The following RIMBP2 variants were observed in gnomAD, a reference collection of about 807,000 sequenced individuals.
The protein encoded by RIMBP2 is RIMS-binding protein 2.
A neutral mutation model predicts 118.6 loss-of-function variants in RIMBP2; 48 were observed. The ratio of observed to expected loss-of-function variants is 0.40; its 90% CI spans 0.32 to 0.51. The LOEUF is 0.51. RIMBP2 is among the 20% of genes least tolerant of loss of function. The pLI is 0.41. For synonymous variants in RIMBP2, 762 were observed against 742.9 expected, an observed-to-expected ratio of 1.03 and a Z score of -0.42; for missense variants, 1,551 against 1,768.3, an observed-to-expected ratio of 0.88 and a Z score of 2.20.
chr12:130,698,146 A>T (rs2065663692), intron 1 of RIMBP2, among the ~76,000 whole-genome samples: 1 of 152,176 alleles, frequency 6.6e-6, no homozygotes, highest in East Asian at 1.9e-4. Context: ...GGGAACCAGG[A>T]GGCAGCAGAG....
rs1276732505 is a variant in RIMBP2, at chr12:130,511,911, G to C, written c.-126-5141C>G. 6.6e-6 allele frequency among the ~76,000 whole-genome samples: 1 copy of C among 152,124 alleles called. No individual in the cohort carries two copies. The highest frequency in any genetic ancestry group is 6.5e-5 in the Admixed American group (1 of 15,280). On this transcript the variant is annotated intron_variant, in intron 3 of 22. Coordinates refer to ENST00000690449, the MANE Select transcript of RIMBP2 (RefSeq NM_001393629.1). The surrounding 1 kb of genome is among the most constrained non-coding windows in gnomAD (Gnocchi z 4.3). Reference sequence around the variant, plus strand: ...TTCTCCAGGCAGCTGCCTCTGGCCAGGGTCACCACCTCTGGGCTTCCTGAG... The same window carrying C: ...TTCTCCAGGCAGCTGCCTCTGGCCACGGTCACCACCTCTGGGCTTCCTGAG...
At chr12:130,547,517 T>G (rs1480420473) in intron 2 of RIMBP2, among the ~76,000 whole-genome samples, 1 of 152,244 alleles carries the variant, frequency 6.6e-6, no homozygotes, top group Non-Finnish European at 1.5e-5. Context: ...CTACAGAAAT[T>G]GTCTCCCAGC....
chr12:130,639,547 C>CA (rs1265880685), intron 1 of RIMBP2, among the ~76,000 whole-genome samples: 1 of 136,486 alleles, frequency 7.3e-6, no homozygotes, highest in Non-Finnish European at 1.6e-5. Context: ...CAAAACTGAC[C>CA]AAAAAAGTAC....
At chr12:130,489,070 A>G (rs1290137404) in intron 4 of RIMBP2, among the ~76,000 whole-genome samples, 2 of 152,194 alleles carry the variant, frequency 1.3e-5, no homozygotes, top group Non-Finnish European at 2.9e-5. Context: ...GGGATTTCTG[A>G]ACGACCCTGG....
intron 9 of RIMBP2, among the ~76,000 whole-genome samples, chr12:130,449,323 G>C (rs1427527632): frequency 6.6e-6 from 1 of 152,246 alleles, no homozygotes; most frequent in Non-Finnish European, 1.5e-5. Flanking sequence ...GCAGTCCTGG[G>C]GGACCTCTCA....
chr12:130,640,882 A>T (rs35104411), intron 1 of RIMBP2, among the ~76,000 whole-genome samples: 8,591 of 152,292 alleles, frequency 0.056, 311 homozygotes, highest in Non-Finnish European at 0.078. Flanking sequence ...CTCTTTTCAG[A>T]TGTGAAAGAA....
At chr12:130,590,859 G>A (rs2140312315) in intron 2 of RIMBP2, among the ~76,000 whole-genome samples, 1 of 152,298 alleles carries the variant, frequency 6.6e-6, no homozygotes, top group East Asian at 1.9e-4. Flanking sequence ...GTGTCACCCG[G>A]ATGGCTGGCT....
chr12:130,546,335 G>A (rs949655103), intron 2 of RIMBP2, among the ~76,000 whole-genome samples: 9 of 152,010 alleles, frequency 5.9e-5, no homozygotes, highest in South Asian at 2.1e-4. Context: ...TCGCTCTGTC[G>A]CCCAGGCTGG....
At chr12:130,423,908 AT>A (rs1239020801) in intron 16 of RIMBP2, among the ~76,000 whole-genome samples, 1 of 152,180 alleles carries the variant, frequency 6.6e-6, no homozygotes, top group African/African-American at 2.4e-5. Context: ...AGCCATACTC[AT>A]TACTGATTCT....
intron 2 of RIMBP2, among the ~76,000 whole-genome samples, chr12:130,583,711 G>A (rs1158712885): frequency 2.2e-4 from 22 of 99,398 alleles, no homozygotes; most frequent in East Asian, 3.4e-4. Flanking sequence ...CACCACCACC[G>A]CCATCACCTC....
chr12:130,541,002 G>A (rs1383486849), intron 2 of RIMBP2, among the ~76,000 whole-genome samples: 2 of 152,134 alleles, frequency 1.3e-5, no homozygotes, highest in African/African-American at 4.8e-5. Flanking sequence ...GGCTTGGAGG[G>A]CTACCAAGAG....
chr12:130,609,243 C>T (rs1417146417), intron 2 of RIMBP2, among the ~76,000 whole-genome samples: 1 of 152,058 alleles, frequency 6.6e-6, no homozygotes, highest in East Asian at 1.9e-4. Context: ...GCTGTCTGCC[C>T]CCCCACGTTT....
chr12:130,643,807 G>A (rs1181796004), intron 1 of RIMBP2, among the ~76,000 whole-genome samples: 2 of 152,194 alleles, frequency 1.3e-5, no homozygotes, highest in Admixed American at 1.3e-4. Flanking sequence ...AAACACGCAA[G>A]CAGACAACAG....
chr12:130,605,001 A>C (rs1365643056), intron 2 of RIMBP2, among the ~76,000 whole-genome samples: 1 of 152,040 alleles, frequency 6.6e-6, no homozygotes, highest in East Asian at 1.9e-4. Context: ...GTACAGTCAC[A>C]TCCTGCACAG....
chr12:130,691,171 C>T (rs1434725312), intron 1 of RIMBP2, among the ~76,000 whole-genome samples: 1 of 152,140 alleles, frequency 6.6e-6, no homozygotes, highest in Non-Finnish European at 1.5e-5. Flanking sequence ...CTCTCCAGTG[C>T]CCTTGTTTTC....
At chr12:130,436,356 C>T (rs563248436) in intron 13 of RIMBP2, among the ~76,000 whole-genome samples, 1 of 152,264 alleles carries the variant, frequency 6.6e-6, no homozygotes, top group South Asian at 2.1e-4. Context: ...TATGTATATA[C>T]ATGAGGGTGC....
intron 4 of RIMBP2, among the ~76,000 whole-genome samples, chr12:130,506,226 T>A (rs1233407599): frequency 6.6e-6 from 1 of 152,100 alleles, no homozygotes; most frequent in African/African-American, 2.4e-5. Flanking sequence ...TACCCCCTGA[T>A]AGAGCAAGGT....
chr12:130,618,189 A>G (rs1187315640), intron 2 of RIMBP2, among the ~76,000 whole-genome samples: 1 of 152,040 alleles, frequency 6.6e-6, no homozygotes, highest in Non-Finnish European at 1.5e-5. Context: ...CCTAATATTA[A>G]TGTATTATCT....
chr12:130,551,830 G>C (rs1183733228), intron 2 of RIMBP2, among the ~76,000 whole-genome samples: 4 of 152,178 alleles, frequency 2.6e-5, no homozygotes, highest in Non-Finnish European at 5.9e-5. Flanking sequence ...CCACAAAGGG[G>C]CCTTCCAGTC....
Sources: gnomAD v4.1 joint callset for allele counts (sites outside exome capture counted in the v4.1 genomes callset) on GRCh38, gnomAD v4.1.1 for gene constraint, Gnocchi (gnomAD v3.1) non-coding constraint, MANE v1.5 for transcripts, NCBI Gene and HGNC (gene_info 2026-07-23, HGNC 2026-07-21) for gene names.